Variants in MACROD2 observed in about 807,000 individuals in gnomAD.
MACROD2 encodes mono-ADP ribosylhydrolase 2, also known as ADP-ribose glycohydrolase MACROD2.
A neutral mutation model predicts 70.4 loss-of-function variants in MACROD2; 36 were observed. The ratio of observed to expected loss-of-function variants is 0.51; its 90% CI spans 0.39 to 0.68. The LOEUF (loss-of-function observed/expected upper bound fraction) is 0.68. Ranked by LOEUF, MACROD2 falls within the 30% of genes least tolerant of loss-of-function variation. The pLI is 0.00. For missense variants in MACROD2, 496 were observed against 538.4 expected, an observed-to-expected ratio of 0.92 and a Z score of 0.78; for synonymous variants, 172 against 178.8, an observed-to-expected ratio of 0.96 and a Z score of 0.30.
intron 6 of MACROD2, among the ~76,000 whole-genome samples, chr20:15,326,281 G>C (rs921169832): frequency 1.3e-5 from 2 of 151,922 alleles, no homozygotes; most frequent in African/African-American, 4.8e-5. Context: ...ATGGAAATTT[G>C]TAAGAAGTTT....
chr20:14,455,532 C>G (rs2084291914), intron 3 of MACROD2, among the ~76,000 whole-genome samples: 1 of 151,690 alleles, frequency 6.6e-6, no homozygotes, highest in Non-Finnish European at 1.5e-5. Context: ...GGTAACTGAG[C>G]TCGTAAATTA....
intron 8 of MACROD2, among the ~76,000 whole-genome samples, chr20:15,571,876 G>C (rs1213371151): frequency 6.6e-6 from 1 of 152,080 alleles, no homozygotes; most frequent in East Asian, 1.9e-4. Context: ...TTTCTGGCAA[G>C]TTCTGTAATT....
chr20:14,351,104 CTA>C (rs1372625215), intron 3 of MACROD2, among the ~76,000 whole-genome samples: 1 of 152,138 alleles, frequency 6.6e-6, no homozygotes, highest in Admixed American at 6.5e-5. Flanking sequence ...TTCCATTGAG[CTA>C]TGTGTCTGTT....
chr20:15,725,081 C>G (rs2050841920), intron 8 of MACROD2, among the ~76,000 whole-genome samples: 1 of 151,922 alleles, frequency 6.6e-6, no homozygotes, highest in Non-Finnish European at 1.5e-5. Context: ...GACTCCATCT[C>G]AAAAAACAAA....
chr20:15,539,945 G>T (rs1479319772), intron 8 of MACROD2, among the ~76,000 whole-genome samples: 1 of 152,216 alleles, frequency 6.6e-6, no homozygotes, highest in Non-Finnish European at 1.5e-5. Context: ...CCAAGATCGT[G>T]CCACTGCACT....
chr20:14,803,205 A>G (rs1026522817), intron 5 of MACROD2, among the ~76,000 whole-genome samples: 4 of 152,140 alleles, frequency 2.6e-5, no homozygotes, highest in Non-Finnish European at 2.9e-5. Flanking sequence ...ATTACCAAGA[A>G]GTGGAGACCA....
chr20:14,709,196 T>G (rs567050334), intron 5 of MACROD2, among the ~76,000 whole-genome samples: 12 of 151,862 alleles, frequency 7.9e-5, no homozygotes, highest in Admixed American at 2.0e-4. Flanking sequence ...ATACATTTCT[T>G]TAGGTTTTTT....
chr20:14,903,301 A>C (rs1043915612), intron 5 of MACROD2, among the ~76,000 whole-genome samples: 1 of 152,052 alleles, frequency 6.6e-6, no homozygotes, highest in Admixed American at 6.5e-5. Flanking sequence ...TCGGCCTCCC[A>C]AAGTGCTGGG....
intron 3 of MACROD2, among the ~76,000 whole-genome samples, chr20:14,364,963 C>G (rs2083258395): frequency 6.6e-6 from 1 of 152,154 alleles, no homozygotes; most frequent in African/African-American, 2.4e-5. Flanking sequence ...GGCTTTGGTT[C>G]AGAGTAATGC....
intron 3 of MACROD2, among the ~76,000 whole-genome samples, chr20:14,490,518 G>A (rs1488387015): frequency 1.3e-5 from 2 of 152,012 alleles, no homozygotes; most frequent in Non-Finnish European, 2.9e-5. Context: ...CCCTCCACTG[G>A]TAATAAAAGA....
chr20:14,563,310 A>G (rs1014144594), intron 4 of MACROD2, among the ~76,000 whole-genome samples: 4 of 151,970 alleles, frequency 2.6e-5, no homozygotes, highest in Non-Finnish European at 4.4e-5. Flanking sequence ...GGTAATATGC[A>G]GGGGAGAAAG....
chr20:14,556,125 A>G (rs1308546324), intron 4 of MACROD2, among the ~76,000 whole-genome samples: 2 of 152,092 alleles, frequency 1.3e-5, no homozygotes, highest in East Asian at 1.9e-4. Context: ...CAAACCCTCT[A>G]AGATATTGGT....
At chr20:14,451,634 C>G (rs545426827) in intron 3 of MACROD2, among the ~76,000 whole-genome samples, 2 of 152,112 alleles carry the variant, frequency 1.3e-5, no homozygotes, top group African/African-American at 4.8e-5. Context: ...TCCCAGGGCA[C>G]GTAGACTCAG....
intron 5 of MACROD2, among the ~76,000 whole-genome samples, chr20:14,964,296 GGC>G (rs2074611074): frequency 6.6e-6 from 1 of 152,132 alleles, no homozygotes; most frequent in Admixed American, 6.5e-5. Flanking sequence ...ACACAGGCCG[GGC>G]GCGGTGGCTC....
intron 5 of MACROD2, among the ~76,000 whole-genome samples, chr20:15,175,856 C>T (rs1405011827): frequency 1.3e-5 from 2 of 152,222 alleles, no homozygotes; most frequent in Admixed American, 1.3e-4. Flanking sequence ...GCCCCAGCCC[C>T]TACCAAGTTG....
chr20:14,930,871 A>AC (rs2074289256), intron 5 of MACROD2, among the ~76,000 whole-genome samples: 2 of 150,714 alleles, frequency 1.3e-5, no homozygotes, highest in Non-Finnish European at 3.0e-5. Context: ...AGTAAAAAAA[A>AC]AAAAAAACAA....
intron 8 of MACROD2, among the ~76,000 whole-genome samples, chr20:15,827,168 A>T (rs560712535): frequency 6.6e-6 from 1 of 152,188 alleles, no homozygotes; most frequent in Non-Finnish European, 1.5e-5. Context: ...CTTTTCAAAG[A>T]TAAGAAGAAA....
At chr20:15,287,206 A>G (rs2077500005) in intron 6 of MACROD2, among the ~76,000 whole-genome samples, 1 of 152,228 alleles carries the variant, frequency 6.6e-6, no homozygotes, top group Non-Finnish European at 1.5e-5. Flanking sequence ...ATAAAACTTT[A>G]ATATGCTAAA....
chr20:14,623,200 A>G (rs1456917020), intron 4 of MACROD2, among the ~76,000 whole-genome samples: 1 of 151,930 alleles, frequency 6.6e-6, no homozygotes, highest in Admixed American at 6.6e-5. Flanking sequence ...TTTTTTCTCA[A>G]CCAACCTTGA....
Sources: gnomAD v4.1 joint callset for allele counts (sites outside exome capture counted in the v4.1 genomes callset) on GRCh38, gnomAD v4.1.1 for gene constraint, MANE v1.5 for transcripts, NCBI Gene and HGNC (gene_info 2026-07-23, HGNC 2026-07-21) for gene names.